Variants in TMEM50B observed in about 807,000 individuals in gnomAD.
TMEM50B encodes HCV p7-trans-regulated protein 3.
A neutral mutation model predicts 23.4 loss-of-function variants in TMEM50B; 14 were observed. That is an observed-to-expected ratio of 0.60 (90% CI 0.39 to 0.93). The LOEUF (loss-of-function observed/expected upper bound fraction) is 0.93. TMEM50B is among the 40% of genes least tolerant of loss of function. TMEM50B has a pLI of 0.00. For synonymous variants in TMEM50B, 64 were observed against 62.3 expected, an observed-to-expected ratio of 1.03 and a Z score of -0.13; for missense variants, 159 against 193.0, an observed-to-expected ratio of 0.82 and a Z score of 1.04.
At chr21:33,471,274 T>TA (rs1292165807) in intron 1 of TMEM50B, among the ~76,000 whole-genome samples, 3 of 152,184 alleles carry the variant, frequency 2.0e-5, no homozygotes, top group African/African-American at 7.2e-5. Flanking sequence ...AACTGCCTGT[T>TA]ACAATAAAAA....
intron 7 of TMEM50B, among the ~76,000 whole-genome samples, chr21:33,442,829 G>A: frequency 6.6e-6 from 1 of 152,088 alleles, no homozygotes; most frequent in East Asian, 1.9e-4. Flanking sequence ...GTTAAGGCAT[G>A]AGAATCGCTT....
chr21:33,453,865 A>G (rs2084144640), intron 6 of TMEM50B, among the ~76,000 whole-genome samples: 1 of 152,112 alleles, frequency 6.6e-6, no homozygotes, highest in Non-Finnish European at 1.5e-5. Context: ...CCACTTTGGG[A>G]GGCTGAGGTG....
At chr21:33,469,884 C>T (rs956672442) in intron 1 of TMEM50B, among the ~76,000 whole-genome samples, 1 of 152,172 alleles carries the variant, frequency 6.6e-6, no homozygotes, top group Non-Finnish European at 1.5e-5. Flanking sequence ...GGCTATGCCC[C>T]TTCCAAATTC....
At chr21:33,479,568 A>G (rs1214294187) in intron 1 of TMEM50B, among the ~76,000 whole-genome samples, 1 of 152,208 alleles carries the variant, frequency 6.6e-6, no homozygotes, top group African/African-American at 2.4e-5. Flanking sequence ...GCGGCAGGGC[A>G]GCCTCCCCGG....
chr21:33,450,749 T>C lies in TMEM50B; in HGVS notation c.*69A>G. The C allele has an allele frequency of 1.5e-5, 19 of 1,255,152 alleles. No individual in the cohort carries two copies. The highest frequency in any genetic ancestry group is 2.2e-5 in the Non-Finnish European group (19 of 868,334). 77.8% of individuals were successfully genotyped at this position (1,255,152 alleles called of 1,614,324 possible). ...ACAATCTACTCCATTTGGCAATGTG[T>C]ACTGAGAGATAAAAAACCTATCTAC... On this transcript the variant is annotated 3_prime_UTR_variant, in exon 7 of 7. Coordinates refer to ENST00000542230, the MANE Select transcript of TMEM50B (RefSeq NM_006134.7).
At chr21:33,466,022 G>C (rs1432930321) in intron 3 of TMEM50B, among the ~76,000 whole-genome samples, 1 of 152,152 alleles carries the variant, frequency 6.6e-6, no homozygotes, top group Non-Finnish European at 1.5e-5. Context: ...AGCACTTTGA[G>C]AGTCCACAGC....
At chr21:33,438,304 A>C (rs2083977036) in intron 8 of TMEM50B, among the ~76,000 whole-genome samples, 1 of 152,154 alleles carries the variant, frequency 6.6e-6, no homozygotes. Context: ...AAAATATAAA[A>C]GTTATAAGGG....
intron 7 of TMEM50B, among the ~76,000 whole-genome samples, chr21:33,442,611 G>A (rs192352409): frequency 6.6e-6 from 1 of 152,096 alleles, no homozygotes; most frequent in East Asian, 1.9e-4. Context: ...CATATACCTA[G>A]CTACAACATA....
intron 5 of TMEM50B, among the ~76,000 whole-genome samples, chr21:33,459,600 G>C (rs972585117): frequency 1.3e-5 from 2 of 150,248 alleles, no homozygotes; most frequent in Admixed American, 1.3e-4. Context: ...CCTGTGAGGC[G>C]GAGGTTGCAG....
intron 4 of TMEM50B, among the ~76,000 whole-genome samples, chr21:33,462,086 A>C (rs1031054479): frequency 1.3e-5 from 2 of 152,166 alleles, no homozygotes; most frequent in African/African-American, 4.8e-5. Flanking sequence ...GGTTCTAAGT[A>C]CAATGATCAT....
At chr21:33,443,580 G>A (rs188858917) in intron 7 of TMEM50B, among the ~76,000 whole-genome samples, 111 of 152,272 alleles carry the variant, frequency 7.3e-4, no homozygotes, top group African/African-American at 2.5e-3. Flanking sequence ...GGGATATGAC[G>A]ACTAAATGCA....
chr21:33,433,339 C>G (rs953286701), intron 8 of TMEM50B, among the ~76,000 whole-genome samples: 1 of 152,164 alleles, frequency 6.6e-6, no homozygotes, highest in Non-Finnish European at 1.5e-5. Context: ...CGATTCACAA[C>G]AGCCAAAAGG....
chr21:33,467,193 T>C, intron 2 of TMEM50B, 71 bp from the exon 3 acceptor site: 1 of 1,336,116 alleles, frequency 7.5e-7, no homozygotes, highest in South Asian at 1.2e-5. Context: ...TTAACATTCC[T>C]TTTGTCCTAC....
intron 1 of TMEM50B, among the ~76,000 whole-genome samples, chr21:33,473,472 A>AC (rs2123459290): frequency 1.3e-5 from 2 of 151,562 alleles, no homozygotes; most frequent in African/African-American, 4.8e-5. Flanking sequence ...AAAAAAAAAA[A>AC]AAAAAACTCA....
At chr21:33,460,341 A>G (rs577233235) in intron 5 of TMEM50B, 72 bp downstream of exon 5, 1 of 908,840 alleles carries the variant, frequency 1.1e-6, no homozygotes, top group South Asian at 1.4e-5. Context: ...GTTGTACTCA[A>G]GGTAGAGTAA....
At chr21:33,435,355 C>T (rs2083935222) in intron 8 of TMEM50B, among the ~76,000 whole-genome samples, 1 of 152,100 alleles carries the variant, frequency 6.6e-6, no homozygotes, top group East Asian at 1.9e-4. Context: ...GCCCCCAGTC[C>T]CTCCTTCACT....
intron 7 of TMEM50B, among the ~76,000 whole-genome samples, chr21:33,441,567 TGTG>T (rs1467529246): frequency 6.6e-6 from 1 of 152,244 alleles, no homozygotes; most frequent in East Asian, 1.9e-4. Context: ...AAGTGTTTGT[TGTG>T]TAAGGCGGTG....
chr21:33,433,967 G>A (rs1024589915), intron 8 of TMEM50B, among the ~76,000 whole-genome samples: 1 of 152,074 alleles, frequency 6.6e-6, no homozygotes, highest in Non-Finnish European at 1.5e-5. Flanking sequence ...CTTGAGCTTT[G>A]GGGCCCACAG....
At chr21:33,473,630 A>G (rs1042132162) in intron 1 of TMEM50B, among the ~76,000 whole-genome samples, 2 of 147,890 alleles carry the variant, frequency 1.4e-5, no homozygotes, top group Non-Finnish European at 3.0e-5. Context: ...GAGCTATGAC[A>G]GGTGACACAG....
Sources: gnomAD v4.1 joint callset for allele counts (sites outside exome capture counted in the v4.1 genomes callset) on GRCh38, gnomAD v4.1.1 for gene constraint, MANE v1.5 for transcripts, NCBI Gene and HGNC (gene_info 2026-07-23, HGNC 2026-07-21) for gene names.